Variants in MOGAT1 observed in about 807,000 individuals in gnomAD.
The protein encoded by MOGAT1 is 2-acylglycerol O-acyltransferase 1.
MOGAT1 carries 32 observed loss-of-function variants against 31.4 expected under a neutral mutation model. That is an observed-to-expected ratio of 1.02 (90% CI 0.77 to 1.37). MOGAT1 has a LOEUF of 1.37. Ranked by LOEUF, MOGAT1 falls within the 40% of genes most tolerant of loss-of-function variation. MOGAT1 has a pLI of 0.00. For missense variants in MOGAT1, 426 were observed against 402.0 expected (o/e 1.06, Z -0.51); for synonymous variants, 145 against 144.5 (o/e 1.00, Z -0.03).
intron 5 of MOGAT1, among the ~76,000 whole-genome samples, chr2:222,703,178 G>A (rs1235038578): frequency 6.6e-6 from 1 of 152,142 alleles, no homozygotes; most frequent in Non-Finnish European, 1.5e-5. Context: ...GGCAATTGTG[G>A]AAAAATAGCT....
intron 1 of MOGAT1, among the ~76,000 whole-genome samples, chr2:222,674,476 A>T (rs879469673): frequency 4.6e-5 from 7 of 152,030 alleles, no homozygotes; most frequent in Non-Finnish European, 8.8e-5. Flanking sequence ...TTTAAGTTTT[A>T]GGTTCAGGAG....
intron 5 of MOGAT1, among the ~76,000 whole-genome samples, chr2:222,707,244 GGAAA>G (rs1279893724): frequency 6.9e-6 from 1 of 145,700 alleles, no homozygotes; most frequent in Non-Finnish European, 1.5e-5. Context: ...GGAAGGGAGG[GGAAA>G]GAAAGAGAAA....
chr2:222,686,808 A>G (rs1396145268), intron 1 of MOGAT1, among the ~76,000 whole-genome samples: 1 of 152,196 alleles, frequency 6.6e-6, no homozygotes, highest in African/African-American at 2.4e-5. Flanking sequence ...TTATTGATTT[A>G]TATGTATCAA....
At chr2:222,675,669 C>T (rs556791268) in intron 1 of MOGAT1, among the ~76,000 whole-genome samples, 69 of 151,986 alleles carry the variant, frequency 4.5e-4, no homozygotes, top group African/African-American at 1.6e-3. Flanking sequence ...TTAGTAGAGA[C>T]GGGGTTTCAC....
chr2:222,673,368 A>G (rs1243387888), intron 1 of MOGAT1, among the ~76,000 whole-genome samples: 1 of 142,750 alleles, frequency 7.0e-6, no homozygotes, highest in East Asian at 2.0e-4. Context: ...GTGTTAACTC[A>G]TTAAGTCCTC....
chr2:222,684,067 C>G (rs1692625443), intron 1 of MOGAT1, among the ~76,000 whole-genome samples: 1 of 152,126 alleles, frequency 6.6e-6, no homozygotes. Context: ...ATCTAGTCAC[C>G]TAGTTTTTAT....
intron 2 of MOGAT1, among the ~76,000 whole-genome samples, chr2:222,688,800 G>A (rs1457708933): frequency 1.3e-5 from 2 of 152,084 alleles, no homozygotes; most frequent in Admixed American, 1.3e-4. Flanking sequence ...GGGCAGGAGA[G>A]GGCAAAAAAG....
At chr2:222,682,050 C>G (rs189651695) in intron 1 of MOGAT1, among the ~76,000 whole-genome samples, 36 of 152,198 alleles carry the variant, frequency 2.4e-4, no homozygotes, top group African/African-American at 6.7e-4. Context: ...TTTTTGAAAA[C>G]ATATTCCTTT....
intron 5 of MOGAT1, among the ~76,000 whole-genome samples, chr2:222,698,250 C>T (rs570720563): frequency 1.3e-5 from 2 of 152,194 alleles, no homozygotes; most frequent in Non-Finnish European, 2.9e-5. Flanking sequence ...ATGTTACTTC[C>T]ATGTATTTCC....
At chr2:222,701,596 A>AAGGGAGGGAGGGAGGG (rs71056503) in intron 5 of MOGAT1, among the ~76,000 whole-genome samples, 3 of 139,086 alleles carry the variant, frequency 2.2e-5, no homozygotes, top group African/African-American at 8.4e-5. Context: ...GAAAGAAAGA[A>AAGGGAGGGAGGGAGGG]AGGGAGGGAG....
chr2:222,695,024 A>G, intron 4 of MOGAT1, 65 bp from the exon 5 acceptor site: 1 of 1,326,642 alleles, frequency 7.5e-7, no homozygotes, highest in Non-Finnish European at 1.0e-6. Flanking sequence ...AGAGTCAGCT[A>G]AACAGAATAA....
rs1693081966 is a variant in MOGAT1, at chr2:222,709,635, G to A, written c.854-101G>A. ...AGGATTGGAGTGAGCAGGCTGGAGGGATTCTGATTGGCAGTTGTGTTCACA... is the reference window on the plus strand; with the variant it reads ...AGGATTGGAGTGAGCAGGCTGGAGGAATTCTGATTGGCAGTTGTGTTCACA... On this transcript the variant is annotated intron_variant, in intron 5 of 5. Coordinates refer to ENST00000446656, the MANE Select transcript of MOGAT1 (RefSeq NM_058165.3). 4.8e-6 allele frequency: 5 copies of A among 1,047,750 alleles called. No homozygotes were observed. The East Asian group carries it at 9.7e-5, about 20-fold the overall frequency. 64.9% of individuals were successfully genotyped at this position (1,047,750 alleles called of 1,614,324 possible). A position where few individuals can be genotyped will look rare whatever the true frequency, so the allele number is the denominator to read the frequency against.
rs150571898 is a variant in MOGAT1 at position 222,685,280 on chromosome 2, C to G, written c.95-3064C>G. 6.3e-3 allele frequency among the ~76,000 whole-genome samples: 958 copies of G among 152,296 alleles called. 3 individuals carry two copies. The highest frequency in any genetic ancestry group is 0.011 in the Non-Finnish European group (724 of 68,020). On this transcript the variant is annotated intron_variant, in intron 1 of 5. Coordinates refer to ENST00000446656, the MANE Select transcript of MOGAT1 (RefSeq NM_058165.3). Reference sequence around the variant, plus strand: ...AGAAAGTTATTATAACAGTGGCTCACATTTGATGAATACCAGTTCTGTGCC... The same window carrying G: ...AGAAAGTTATTATAACAGTGGCTCAGATTTGATGAATACCAGTTCTGTGCC...
At chr2:222,696,132 T>G (rs1692833808) in intron 5 of MOGAT1, among the ~76,000 whole-genome samples, 1 of 152,234 alleles carries the variant, frequency 6.6e-6, no homozygotes, top group Non-Finnish European at 1.5e-5. Flanking sequence ...TCCATGATGT[T>G]TATATACATA....
At chr2:222,686,479 T>C (rs541330689) in intron 1 of MOGAT1, among the ~76,000 whole-genome samples, 49 of 152,348 alleles carry the variant, frequency 3.2e-4, no homozygotes, top group Admixed American at 9.1e-4. Context: ...TTTCCTGTCA[T>C]TTTTTTGCAC....
chr2:222,693,554 T>G (rs2106039360), intron 3 of MOGAT1, among the ~76,000 whole-genome samples: 1 of 151,808 alleles, frequency 6.6e-6, no homozygotes, highest in South Asian at 2.1e-4. Flanking sequence ...AGACTTACAG[T>G]TCTACATGGC....
intron 1 of MOGAT1, among the ~76,000 whole-genome samples, chr2:222,682,201 A>G (rs1208950142): frequency 6.6e-6 from 1 of 152,196 alleles, no homozygotes; most frequent in Non-Finnish European, 1.5e-5. Flanking sequence ...AATTGTAAAC[A>G]TCATAACACT....
chr2:222,674,712 T>C lies in MOGAT1; in HGVS notation c.94+2833T>C, dbSNP rs1692470724. ...TACTTTAGTTTGCATATTTTAAAAA[T>C]AAGTATTTTGTGTGTAACCATAGTA... On this transcript the variant is annotated intron_variant, in intron 1 of 5. Coordinates refer to ENST00000446656, the MANE Select transcript of MOGAT1 (RefSeq NM_058165.3). 2.0e-5 allele frequency among the ~76,000 whole-genome samples: 3 copies of C among 152,262 alleles called. No homozygotes were observed. The South Asian group carries it at 6.2e-4, about 31-fold the overall frequency.
intron 1 of MOGAT1, among the ~76,000 whole-genome samples, chr2:222,679,189 A>G (rs918905581): frequency 6.6e-6 from 1 of 152,062 alleles, no homozygotes; most frequent in Non-Finnish European, 1.5e-5. Flanking sequence ...TCAAATATCA[A>G]TTGCCCATAT....
Sources: allele counts gnomAD v4.1 joint callset (sites outside exome capture counted in the v4.1 genomes callset), GRCh38; gene constraint gnomAD v4.1.1; transcripts MANE v1.5; gene names NCBI Gene and HGNC (gene_info 2026-07-23, HGNC 2026-07-21).